TUT1: variants seen among roughly 807,000 people sequenced by gnomAD.
The protein encoded by TUT1 is speckle targeted PIP5K1A-regulated poly(A) polymerase.
A neutral mutation model predicts 48.8 loss-of-function variants in TUT1; 26 were observed. That is an observed-to-expected ratio of 0.53 (90% CI 0.39 to 0.74). The LOEUF (loss-of-function observed/expected upper bound fraction) is 0.74. TUT1 is among the 30% of genes least tolerant of loss of function. The pLI, the probability that TUT1 is intolerant of heterozygous loss-of-function variation, is 0.00. For synonymous variants in TUT1, 470 were observed against 460.8 expected (o/e 1.02, Z -0.26); for missense variants, 1,065 against 1,114.8 (o/e 0.96, Z 0.64).
chr11:62,587,665 A>G (rs1209728697), intron 2 of TUT1, among the ~76,000 whole-genome samples: 1 of 152,230 alleles, frequency 6.6e-6, no homozygotes, highest in African/African-American at 2.4e-5. Flanking sequence ...CCTATTGTTT[A>G]AGCCATTTGT....
At chr11:62,582,679 C>G in intron 2 of TUT1, 1 of 423,764 alleles carries the variant, frequency 2.4e-6, no homozygotes, top group South Asian at 1.7e-5. Flanking sequence ...CTCTAAAAAC[C>G]TCATTTTATC....
At chr11:62,591,156 G>A (rs1004784932) in intron 1 of TUT1, among the ~76,000 whole-genome samples, 9 of 148,576 alleles carry the variant, frequency 6.1e-5, no homozygotes, top group Admixed American at 2.1e-4. Flanking sequence ...ATGTCCAATA[G>A]ATGATGGTTA....
Position 62,576,659 on chromosome 11 carries a change from A to T in TUT1, c.1472T>A (p.Leu491His). The change falls in exon 8 of 9, where the codon CTC (leucine) becomes CAC (histidine). Residue 491 changes from leucine to histidine, a missense_variant and splice_region_variant. Transcript: ENST00000476907. The part of the protein sequence containing the change: ...RLEPSINVEP[L>H]SSLLAQFFSC... ...TCTACCAGGCTCCCCAAACTCACTG[A>T]GGGGCTCCACATTTATGCTGGGCTC... 1.2e-6 allele frequency: 2 copies of T among 1,613,956 alleles called. No homozygotes were observed. Among genetic ancestry groups the T allele is most frequent in the Non-Finnish European group, 1.7e-6 (2 of 1,179,870 alleles).
At chr11:62,578,063 CAAAAAAA>C (rs200086998) in intron 5 of TUT1, among the ~76,000 whole-genome samples, 70,530 of 107,552 alleles carry the variant, frequency 0.66, 19,607 homozygotes, top group East Asian at 0.89. Context: ...CTCCGTCTCA[CAAAAAAA>C]AAAAAAAAAA....
At position 62,575,381 on chromosome 11, in the gene TUT1, G is replaced by A. The variant is rs140765545; in HGVS notation, c.2338C>T (p.Arg780Ter). 12 of 1,612,598 alleles carry A rather than the reference G, an allele frequency of 7.4e-6. No individual in the cohort carries two copies. Among genetic ancestry groups the A allele is most frequent in the African/African-American group, 6.7e-5 (5 of 74,922 alleles). ...LWHRVWQGRR[R>*]ARRRLQQQTK... is the part of the protein sequence containing the mutation. Reference sequence around the variant, plus strand: ...TGCTGCTGCAAGCGTCTACGGGCTCGCCGCCGCCCTTGCCACACTCGGTGC... The same window carrying A: ...TGCTGCTGCAAGCGTCTACGGGCTCACCGCCGCCCTTGCCACACTCGGTGC... Residue 780 changes from arginine (R) to a stop codon, truncating the protein, a stop_gained, in exon 9 of 9, where the codon CGA becomes TGA. Transcript: ENST00000476907. LOFTEE classifies it low-confidence loss of function (END_TRUNC).
chr11:62,578,728 C>T lies in TUT1; in HGVS notation c.993G>A (p.Lys331=). ...GKASELAETP[K]EEKAEGAAML... ...TTGCTGCCCCCTCTGCTTTCTCCTCCTTTGGGGTCTCTGCTAGTTCCGAGG... is the reference window on the plus strand; with the variant it reads ...TTGCTGCCCCCTCTGCTTTCTCCTCTTTTGGGGTCTCTGCTAGTTCCGAGG... The change falls in exon 5 of 9, where the codon AAG becomes AAA. Residue 331 remains lysine (K), a synonymous_variant. Transcript: ENST00000476907. The T allele has an allele frequency of 6.2e-7, 1 of 1,614,172 alleles. No homozygotes were observed. Among genetic ancestry groups the T allele is most frequent in the African/African-American group, 1.3e-5 (1 of 75,026 alleles).
chr11:62,578,188 G>C (rs1941761020), intron 5 of TUT1, among the ~76,000 whole-genome samples: 1 of 152,030 alleles, frequency 6.6e-6, no homozygotes, highest in Non-Finnish European at 1.5e-5. Context: ...GGACAAACTT[G>C]AGACTTGGCA....
In TUT1 at chr11:62,578,820, A is replaced by G; in HGVS notation, c.901T>C (p.Ser301Pro). 1 of 1,613,902 alleles carries G rather than the reference A, an allele frequency of 6.2e-7. No homozygotes were observed. Residue 301 changes from serine (S) to proline (P), a missense_variant, in exon 5 of 9, where the codon TCT (serine) becomes CCT (proline). Physicochemically the swap from Ser to Pro is moderately conservative, Grantham distance 74. Transcript: ENST00000476907. ...DSALASETLASPQSLPPASPL... is the reference protein window; with the variant it reads ...DSALASETLAPPQSLPPASPL... ...GAAGCTGGAGGCAGAGACTGGGGAG[A>G]AGCAAGGGTCTCGGAGGCCAAGGCA...
intron 1 of TUT1, among the ~76,000 whole-genome samples, chr11:62,590,419 G>A (rs530450147): frequency 6.6e-6 from 1 of 152,276 alleles, no homozygotes; most frequent in South Asian, 2.1e-4. Context: ...GGCGGGTCAC[G>A]AGGTCAGGAG....
rs779299608 is a variant in TUT1 at position 62,575,700 on chromosome 11, C to T, written c.2019G>A (p.Gly673=). Residue 673 remains glycine (G), a synonymous_variant, in exon 9 of 9, where the codon GGG becomes GGA. Coordinates refer to ENST00000476907, the MANE Select transcript of TUT1 (RefSeq NM_022830.3). ...VDGQKNCCEE[G]KEEQQGCAGD... The stretch of plus-strand genomic sequence containing the variant: ...CTGCACATCCCTGCTGCTCCTCTTT[C>T]CCCTCCTCACAGCAGTTTTTCTGTC... The T allele has an allele frequency of 1.2e-6, 2 of 1,614,170 alleles. No individual in the cohort carries two copies. The highest frequency in any genetic ancestry group is 2.2e-5 in the East Asian group (1 of 44,876).
intron 2 of TUT1, among the ~76,000 whole-genome samples, chr11:62,586,405 G>A (rs1941915693): frequency 6.6e-6 from 1 of 152,198 alleles, no homozygotes; most frequent in Admixed American, 6.5e-5. Flanking sequence ...TTTCCCTTAA[G>A]AGAATGTTGT....
chr11:62,587,325 G>C (rs1941935396), intron 2 of TUT1, among the ~76,000 whole-genome samples: 1 of 152,014 alleles, frequency 6.6e-6, no homozygotes, highest in African/African-American at 2.4e-5. Flanking sequence ...GGGATTACAG[G>C]CATGTGCCAC....
chr11:62,575,209 G>T lies in TUT1; in HGVS notation c.2510C>A (p.Ser837Tyr). ...EPLLSFVASV[S>Y]PADRMLTVTP... is the part of the protein sequence containing the mutation. ...CACAGTGAGCATTCGGTCAGCCGGGGAGACAGACGCCACAAAGCTCAGCAG... is the reference window on the plus strand; with the variant it reads ...CACAGTGAGCATTCGGTCAGCCGGGTAGACAGACGCCACAAAGCTCAGCAG... Residue 837 changes from serine to tyrosine, a missense_variant, in exon 9 of 9, where the codon TCC becomes TAC. By Grantham distance (144) the Ser-to-Tyr change is moderately radical. Transcript: ENST00000476907. 1 of 1,613,292 alleles carries T rather than the reference G, an allele frequency of 6.2e-7. No homozygotes were observed. Among genetic ancestry groups the T allele is most frequent in the Middle Eastern group, 1.7e-4 (1 of 6,058 alleles).
Position 62,577,231 on chromosome 11 carries a change from C to G in TUT1, c.1221G>C (p.Arg407=). Reference sequence around the variant, plus strand: ...AGCAGCGGAGGGTGTACACGAGGGGCCGGACTCGACCATCCAGCTCAGAGC... The same window carrying G: ...AGCAGCGGAGGGTGTACACGAGGGGGCGGACTCGACCATCCAGCTCAGAGC... The part of the protein sequence containing the change: ...SLCSELDGRV[R]PLVYTLRCWA... Residue 407 remains arginine (R), a synonymous_variant, in exon 6 of 9, where the codon CGG becomes CGC. Coordinates refer to ENST00000476907, the MANE Select transcript of TUT1 (RefSeq NM_022830.3). The G allele has an allele frequency of 1.2e-6, 2 of 1,611,072 alleles. No individual in the cohort carries two copies. The highest frequency in any genetic ancestry group is 1.7e-6 in the Non-Finnish European group (2 of 1,179,088).
rs749117506 is a variant in TUT1 at position 62,577,242 on chromosome 11, C to T, written c.1210G>A (p.Gly404Ser). ...RFLSLCSELDGRVRPLVYTLR... is the reference protein window; with the variant it reads ...RFLSLCSELDSRVRPLVYTLR... ...GTGTACACGAGGGGCCGGACTCGAC[C>T]ATCCAGCTCAGAGCAGAGACTCAGG... The change falls in exon 6 of 9, where the codon GGT becomes AGT. Residue 404 changes from glycine (G) to serine (S), a missense_variant. Coordinates refer to ENST00000476907, the MANE Select transcript of TUT1 (RefSeq NM_022830.3). 2 of 1,611,580 alleles carry T rather than the reference C, an allele frequency of 1.2e-6. No individual in the cohort carries two copies. The highest frequency in any genetic ancestry group is 1.7e-6 in the Non-Finnish European group (2 of 1,179,276).
rs1179727568 is a variant in TUT1, at chr11:62,575,538, C to A, written c.2181G>T (p.Glu727Asp). 9.9e-6 allele frequency: 16 copies of A among 1,613,784 alleles called. No homozygotes were observed. The highest frequency in any genetic ancestry group is 3.3e-5 in the Admixed American group (2 of 60,012). The change falls in exon 9 of 9, where the codon GAG becomes GAT. Residue 727 changes from glutamate (E) to aspartate (D), a missense_variant. Glu to Asp is a conservative substitution (Grantham distance 45, BLOSUM62 2). Transcript: ENST00000476907. ...CCAGGGCTGCGTGGCTGGGCTGCCCCTCTTCTCCAGGGGCTCCATGCTTTC... is the reference window on the plus strand; with the variant it reads ...CCAGGGCTGCGTGGCTGGGCTGCCCATCTTCTCCAGGGGCTCCATGCTTTC... ...TTGKHGAPGEEGQPSHAALAE... is the reference protein window; with the variant it reads ...TTGKHGAPGEDGQPSHAALAE...
In TUT1 at chr11:62,575,529, G is replaced by C; in HGVS notation, c.2190C>G (p.Pro730=). The C allele has an allele frequency of 6.2e-7, 1 of 1,613,682 alleles. No homozygotes were observed. The highest frequency in any genetic ancestry group is 8.5e-7 in the Non-Finnish European group (1 of 1,180,032). ...KHGAPGEEGQ[P]SHAALAERGP... ...CCCGCTCTGCCAGGGCTGCGTGGCT[G>C]GGCTGCCCCTCTTCTCCAGGGGCTC... Residue 730 remains proline (P), a synonymous_variant, in exon 9 of 9, where the codon CCC becomes CCG. Coordinates refer to ENST00000476907, the MANE Select transcript of TUT1 (RefSeq NM_022830.3).
intron 2 of TUT1, among the ~76,000 whole-genome samples, chr11:62,587,092 CAA>C (rs202002182): frequency 9.2e-5 from 10 of 108,322 alleles, no homozygotes; most frequent in South Asian, 6.8e-4. Context: ...AACTCCCTCT[CAA>C]AAAAAAAAAA....
chr11:62,576,763 T>G lies in TUT1; in HGVS notation c.1382-14A>C. ...GTTCCCCCTCTCCTGTGAAAGTAAA[T>G]AAGGTGAGAGTCAGTCTGGAAGCAA... On this transcript the variant is annotated splice_polypyrimidine_tract_variant and intron_variant, in intron 7 of 8. Transcript: ENST00000476907. 2 of 1,613,634 alleles carry G rather than the reference T, an allele frequency of 1.2e-6. No individual in the cohort carries two copies. Among genetic ancestry groups the G allele is most frequent in the Non-Finnish European group, 1.7e-6 (2 of 1,179,736 alleles).
Sources: allele counts gnomAD v4.1 joint callset (sites outside exome capture counted in the v4.1 genomes callset), GRCh38; gene constraint gnomAD v4.1.1; transcripts MANE v1.5; gene names NCBI Gene and HGNC (gene_info 2026-07-23, HGNC 2026-07-21).